Variants in ANKZF1 observed in about 807,000 individuals in gnomAD.
ANKZF1 encodes ankyrin repeat and zinc finger peptidyl tRNA hydrolase 1.
ANKZF1 carries 84 observed loss-of-function variants against 86.0 expected under a neutral mutation model. That is an observed-to-expected ratio of 0.98 (90% CI 0.82 to 1.17). The LOEUF (loss-of-function observed/expected upper bound fraction) is 1.17. ANKZF1 is among the 50% of genes most tolerant of loss of function. The pLI is 0.00. For synonymous variants in ANKZF1, 331 were observed against 354.2 expected (o/e 0.93, Z 0.74); for missense variants, 893 against 918.4 (o/e 0.97, Z 0.36).
At position 219,236,038 on chromosome 2, in the gene ANKZF1, C is replaced by T; in HGVS notation, c.2000C>T (p.Ala667Val). The change falls in exon 13 of 14, where the codon GCT (alanine) becomes GTT (valine). Residue 667 changes from alanine to valine, a missense_variant. Transcript: ENST00000323348. ...GCTCTGGCTGCAGAGCGCCGACTCG[C>T]TGCCCAGTTGGGAGCCCCTACCTCT... The part of the protein sequence containing the change: ...KRALAAERRL[A>V]AQLGAPTSPI... 6.2e-7 allele frequency: 1 copy of T among 1,614,246 alleles called. No homozygotes were observed. Among genetic ancestry groups the T allele is most frequent in the South Asian group, 1.1e-5 (1 of 91,086 alleles).
At chr2:219,231,901 A>G (rs775092621) in intron 2 of ANKZF1, 27 bp from the exon 3 acceptor site, 1 of 1,591,864 alleles carries the variant, frequency 6.3e-7, no homozygotes, top group Non-Finnish European at 8.6e-7. Flanking sequence ...CTCCCTTTCT[A>G]TGTCCAATTC....
At chr2:219,233,053 G>A (rs1442591445) in intron 5 of ANKZF1, 26 bp from the exon 6 acceptor site, 1 of 1,598,302 alleles carries the variant, frequency 6.3e-7, no homozygotes, top group African/African-American at 1.3e-5. Context: ...CAACAGATAT[G>A]TTTCTGATGC....
In ANKZF1 at chr2:219,232,592, G is replaced by C; in HGVS notation, c.467G>C (p.Arg156Pro). The change falls in exon 5 of 14, where the codon CGA becomes CCA. Residue 156 changes from arginine (R) to proline (P), a missense_variant. Arg to Pro is a moderately radical substitution (Grantham distance 103). Coordinates refer to ENST00000323348, the MANE Select transcript of ANKZF1 (RefSeq NM_018089.3). ...AGGGCTACATTTGAGAAGTTGAGCC[G>C]ACCCCCAGGCTTTTACCCTCATCGA... ...RERATFEKLSRPPGFYPHRVL... is the reference protein window; with the variant it reads ...RERATFEKLSPPPGFYPHRVL... 1.9e-6 allele frequency: 3 copies of C among 1,614,172 alleles called. No individual in the cohort carries two copies. Among genetic ancestry groups the C allele is most frequent in the Non-Finnish European group, 2.5e-6 (3 of 1,180,038 alleles).
At chr2:219,232,937 C>T (rs1951085377) in intron 5 of ANKZF1, 142 bp from the exon 6 acceptor site, 16 of 913,916 alleles carry the variant, frequency 1.8e-5, no homozygotes, top group Non-Finnish European at 2.7e-5. Flanking sequence ...CCTCGCCAAG[C>T]CTCAAATTTC....
At position 219,233,065 on chromosome 2, in the gene ANKZF1, T is replaced by G; in HGVS notation, c.559-14T>G. The G allele has an allele frequency of 1.9e-6, 3 of 1,611,232 alleles. No individual in the cohort carries two copies. In the South Asian group the frequency reaches 3.3e-5, roughly 18 times the overall value. On this transcript the variant is annotated splice_polypyrimidine_tract_variant and intron_variant, in intron 5 of 13. Transcript: ENST00000323348. ...ATGCAACAGATATGTTTCTGATGCT[T>G]CTCTGTCATCAAGGATCCCCCAGAA...
In ANKZF1 at chr2:219,234,207, A is replaced by C. The variant is rs528605919; in HGVS notation, c.1123A>C (p.Lys375Gln). The change falls in exon 9 of 14, where the codon AAG becomes CAG. Residue 375 changes from lysine to glutamine, a missense_variant. Physicochemically the swap from Lys to Gln is moderately conservative, Grantham distance 53 (BLOSUM62 1). Coordinates refer to ENST00000323348, the MANE Select transcript of ANKZF1 (RefSeq NM_018089.3). ...GAAAACAGTAAGAGAGGAGAGAAAG[A>C]AGCCTACTGAGGAAGAAATAAGAAA... ...HWKTVREERK[K>Q]PTEEEIRKIC... 6 of 1,614,134 alleles carry C rather than the reference A, an allele frequency of 3.7e-6. No homozygotes were observed. Among genetic ancestry groups the C allele is most frequent in the South Asian group, 1.1e-5 (1 of 91,088 alleles).
At position 219,234,955 on chromosome 2, in the gene ANKZF1, AG is replaced by A; in HGVS notation, c.1335del (p.Ser447AlafsTer64). The A allele has an allele frequency of 6.2e-7, 1 of 1,614,236 alleles. No individual in the cohort carries two copies. ...KRRRRKRNKK[E>X]KSRDQEAGAH... The stretch of plus-strand genomic sequence containing the variant: ...AGGAGGAGAAAAAGGAATAAGAAGG[AG>A]AAAAGCCGAGACCAGGAGGCTGGGG... On this transcript the variant is annotated frameshift_variant, in exon 10 of 14. Coordinates refer to ENST00000323348, the MANE Select transcript of ANKZF1 (RefSeq NM_018089.3). LOFTEE classifies it high-confidence loss of function.
chr2:219,230,356 C>T lies in ANKZF1; in HGVS notation c.99C>T (p.Ser33=). The T allele has an allele frequency of 6.2e-7, 1 of 1,613,812 alleles. No individual in the cohort carries two copies. Among genetic ancestry groups the T allele is most frequent in the Admixed American group, 1.7e-5 (1 of 59,994 alleles). The change falls in exon 2 of 14, where the codon AGC becomes AGT. Residue 33 remains serine, a synonymous_variant. Transcript: ENST00000323348. ...APVFQGLSLV[S]HAPGEALARA... is the part of the protein sequence containing the mutation. ...TCTTTCAGGGCCTGAGCCTGGTGAG[C>T]CACGCGCCTGGGGAGGCTCTGGCCC...
Position 219,232,800 on chromosome 2 carries a change from C to G in ANKZF1, c.558+117C>G, listed in dbSNP as rs1205609910. 4.4e-6 allele frequency: 5 copies of G among 1,138,298 alleles called. No homozygotes were observed. The African/African-American group carries it at 7.8e-5, about 18-fold the overall frequency. 70.5% of individuals were successfully genotyped at this position (1,138,298 alleles called of 1,614,324 possible). On this transcript the variant is annotated intron_variant, in intron 5 of 13. Transcript: ENST00000323348. ...CTTCCTTCCTGTTGGTTGTGGGTAT[C>G]ACGCTTGACAACATAGTCTTGAATT... is the stretch of plus-strand genomic sequence containing the variant.
chr2:219,230,393 A>G lies in ANKZF1; in HGVS notation c.136A>G (p.Thr46Ala). 1.2e-6 allele frequency: 2 copies of G among 1,610,590 alleles called. No individual in the cohort carries two copies. Among genetic ancestry groups the G allele is most frequent in the African/African-American group, 1.3e-5 (1 of 74,958 alleles). The change falls in exon 2 of 14, where the codon ACT (threonine) becomes GCT (alanine). Residue 46 changes from threonine (T) to alanine (A), a missense_variant. Physicochemically the swap from Thr to Ala is moderately conservative, Grantham distance 58. Coordinates refer to ENST00000323348, the MANE Select transcript of ANKZF1 (RefSeq NM_018089.3). ...PGEALARAPRTSCSGSGERES... is the reference protein window; with the variant it reads ...PGEALARAPRASCSGSGERES... Reference sequence around the variant, plus strand: ...GGAGGCTCTGGCCCGGGCTCCGCGTACTTCCTGTTCAGGTATCCTGGAAGG... The same window carrying G: ...GGAGGCTCTGGCCCGGGCTCCGCGTGCTTCCTGTTCAGGTATCCTGGAAGG...
At position 219,233,069 on chromosome 2, in the gene ANKZF1, T is replaced by C; in HGVS notation, c.559-10T>C. ...AACAGATATGTTTCTGATGCTTCTC[T>C]GTCATCAAGGATCCCCCAGAAGAGG... is the stretch of plus-strand genomic sequence containing the variant. On this transcript the variant is annotated splice_polypyrimidine_tract_variant and intron_variant, in intron 5 of 13. Transcript: ENST00000323348. 1 of 1,611,896 alleles carries C rather than the reference T, an allele frequency of 6.2e-7. No individual in the cohort carries two copies.
In ANKZF1 at chr2:219,233,098, A is replaced by G. The variant is rs1454840704; in HGVS notation, c.578A>G (p.Glu193Gly). 6.2e-7 allele frequency: 1 copy of G among 1,613,888 alleles called. No individual in the cohort carries two copies. The highest frequency in any genetic ancestry group is 8.5e-7 in the Non-Finnish European group (1 of 1,180,000). ...ATCAAGGATCCCCCAGAAGAGGCAG[A>G]ACTGCTGCTACAGAACCTGCAAAGT... ...GPHQDPPEEA[E>G]LLLQNLQSRG... is the part of the protein sequence containing the mutation. The change falls in exon 6 of 14, where the codon GAA becomes GGA. Residue 193 changes from glutamate to glycine, a missense_variant. Physicochemically the swap from Glu to Gly is moderately conservative, Grantham distance 98 (BLOSUM62 -2). Coordinates refer to ENST00000323348, the MANE Select transcript of ANKZF1 (RefSeq NM_018089.3).
intron 2 of ANKZF1, 55 bp downstream of exon 2, chr2:219,230,460 C>T (rs541313823): frequency 5.0e-5 from 77 of 1,533,124 alleles, no homozygotes; most frequent in Non-Finnish European, 6.2e-5. Flanking sequence ...GCGTATTGCC[C>T]GTTCAGGGAA....
In ANKZF1 at chr2:219,235,893, C is replaced by A; in HGVS notation, c.1971+18C>A. Reference sequence around the variant, plus strand: ...GAGAGAAGGTGAGGCTGGAGGTTCTCTTGTCCATGGCAAGGCTTCCTAGAG... The same window carrying A: ...GAGAGAAGGTGAGGCTGGAGGTTCTATTGTCCATGGCAAGGCTTCCTAGAG... On this transcript the variant is annotated intron_variant, in intron 12 of 13. Transcript: ENST00000323348. The A allele has an allele frequency of 6.2e-7, 1 of 1,613,960 alleles. No individual in the cohort carries two copies. Among genetic ancestry groups the A allele is most frequent in the Non-Finnish European group, 8.5e-7 (1 of 1,179,832 alleles).
intron 12 of ANKZF1, 36 bp from the exon 13 acceptor site, chr2:219,235,974 T>A: frequency 6.2e-7 from 1 of 1,614,144 alleles, no homozygotes; most frequent in Non-Finnish European, 8.5e-7. Flanking sequence ...TACTCGCCAC[T>A]GGGGCCTTGT....
rs1036382718 is a variant in ANKZF1 at position 219,232,578 on chromosome 2, T to G, written c.453T>G (p.Phe151Leu). 1 of 1,614,156 alleles carries G rather than the reference T, an allele frequency of 6.2e-7. No homozygotes were observed. The highest frequency in any genetic ancestry group is 8.5e-7 in the Non-Finnish European group (1 of 1,180,024). ...LQTLDRERAT[F>L]EKLSRPPGFY... is the part of the protein sequence containing the mutation. ...CACTGGATCGGGAGAGGGCTACATT[T>G]GAGAAGTTGAGCCGACCCCCAGGCT... The change falls in exon 5 of 14, where the codon TTT becomes TTG. Residue 151 changes from phenylalanine to leucine, a missense_variant. Physicochemically the swap from Phe to Leu is conservative, Grantham distance 22. Transcript: ENST00000323348.
At position 219,236,337 on chromosome 2, in the gene ANKZF1, T is replaced by TG; in HGVS notation, c.2077dup (p.Ala693GlyfsTer?). 1 of 1,614,140 alleles carries TG rather than the reference T, an allele frequency of 6.2e-7. No individual in the cohort carries two copies. Among genetic ancestry groups the TG allele is most frequent in the Non-Finnish European group, 8.5e-7 (1 of 1,180,030 alleles). On this transcript the variant is annotated frameshift_variant, in exon 14 of 14. Transcript: ENST00000323348. LOFTEE classifies it high-confidence loss of function. ...TCTTGTTCAGACGCTGCTGGAGTTG[T>TG]GGGGCATCCCTCCAAGGCCTGACTC...
Position 219,230,275 on chromosome 2 carries a change from T to G in ANKZF1, c.18T>G (p.Asp6Glu), listed in dbSNP as rs1950990155. 1 of 1,613,634 alleles carries G rather than the reference T, an allele frequency of 6.2e-7. No homozygotes were observed. The highest frequency in any genetic ancestry group is 1.7e-5 in the Admixed American group (1 of 59,990). Residue 6 changes from aspartate (D) to glutamate (E), a missense_variant, in exon 2 of 14, where the codon GAT becomes GAG. Transcript: ENST00000323348. MSPAP[D>E]AAPAPASISL... ...GCTCAGCCATGTCGCCGGCTCCAGA[T>G]GCAGCCCCGGCTCCTGCGTCGATCT... is the stretch of plus-strand genomic sequence containing the variant.
chr2:219,230,422 CGT>C lies in ANKZF1; in HGVS notation c.148+21_148+22del. 2 of 1,591,802 alleles carry C rather than the reference CGT, an allele frequency of 1.3e-6. No individual in the cohort carries two copies. Among genetic ancestry groups the C allele is most frequent in the Non-Finnish European group, 1.7e-6 (2 of 1,163,870 alleles). ...CCTGTTCAGGTATCCTGGAAGGTTT[CGT>C]GTGAAACGTGACAGGGCTCCTTACA... On this transcript the variant is annotated intron_variant, in intron 2 of 13. Coordinates refer to ENST00000323348, the MANE Select transcript of ANKZF1 (RefSeq NM_018089.3).
Sources: gnomAD v4.1 joint callset for allele counts on GRCh38, gnomAD v4.1.1 for gene constraint, MANE v1.5 for transcripts, NCBI Gene and HGNC (gene_info 2026-07-23, HGNC 2026-07-21) for gene names.